NRG3: variants seen among roughly 807,000 people sequenced by gnomAD.
NRG3 encodes the protein pro-neuregulin-3, membrane-bound isoform.
In NRG3, 31 loss-of-function variants were observed where a neutral mutation model predicts 66.9. That is an observed-to-expected ratio of 0.46 (90% CI 0.35 to 0.63). The LOEUF (loss-of-function observed/expected upper bound fraction) is 0.63, where lower values mean the gene tolerates loss of function less well. NRG3 is among the 20% of genes least tolerant of loss of function. The probability of loss-of-function intolerance (pLI) is 0.00; values close to 1 mark genes in which losing one functional copy is unlikely to be tolerated. For missense variants in NRG3, 910 were observed against 878.9 expected (o/e 1.04, Z -0.45); for synonymous variants, 393 against 359.4 (o/e 1.09, Z -1.06).
chr10:82,044,929 G>T (rs929304193), intron 1 of NRG3, among the ~76,000 whole-genome samples: 1 of 151,798 alleles, frequency 6.6e-6, no homozygotes, highest in Non-Finnish European at 1.5e-5. Flanking sequence ...ATATTCCATG[G>T]TGTACATGTG....
intron 8 of NRG3, among the ~76,000 whole-genome samples, chr10:82,981,761 A>G (rs551535273): frequency 1.3e-5 from 2 of 152,328 alleles, no homozygotes; most frequent in South Asian, 4.1e-4. Flanking sequence ...GGTCAATGAC[A>G]GCCATGGTAA....
chr10:82,782,817 C>T (rs755830914), intron 3 of NRG3, among the ~76,000 whole-genome samples: 16 of 152,150 alleles, frequency 1.1e-4, no homozygotes, highest in East Asian at 1.9e-4. Context: ...GAAACTATTC[C>T]GATCAATAGA....
intron 2 of NRG3, among the ~76,000 whole-genome samples, chr10:82,383,792 AT>A (rs2085788343): frequency 6.6e-6 from 1 of 151,958 alleles, no homozygotes; most frequent in South Asian, 2.1e-4. Flanking sequence ...ATGAGGAAGA[AT>A]TTTCACAATG....
Position 81,904,005 on chromosome 10 carries a change from T to TTG in NRG3, c.823+27843_823+27844insGT, listed in dbSNP as rs1554852252. ...ATATATATATATATATATTTTTTTT[T>TTG]TTTGTTTGTTTGTTTGTTTTGGAGA... On this transcript the variant is annotated intron_variant, in intron 1 of 8. Coordinates refer to ENST00000372141, the MANE Select transcript of NRG3 (RefSeq NM_001010848.4). Among the ~76,000 whole-genome samples the TTG allele has an allele frequency of 4.9e-3, 723 of 146,846 alleles. 9 individuals are homozygous for TTG. Among genetic ancestry groups the TTG allele is most frequent in the African/African-American group, 0.016 (627 of 38,912 alleles).
intron 2 of NRG3, among the ~76,000 whole-genome samples, chr10:82,628,809 T>C (rs1474636159): frequency 6.6e-6 from 1 of 152,162 alleles, no homozygotes; most frequent in Non-Finnish European, 1.5e-5. Flanking sequence ...TTCAATGACT[T>C]CAACAGCTTC....
At chr10:82,249,319 G>A (rs1047993784) in intron 1 of NRG3, among the ~76,000 whole-genome samples, 10 of 152,094 alleles carry the variant, frequency 6.6e-5, no homozygotes, top group African/African-American at 2.4e-4. Context: ...TGTGAGAATA[G>A]AGCTGGATAT....
At chr10:82,978,900 TATG>T in intron 7 of NRG3, 47 bp from the exon 8 acceptor site, 2 of 1,583,042 alleles carry the variant, frequency 1.3e-6, no homozygotes, top group Non-Finnish European at 1.7e-6. Context: ...AGGTTATTGC[TATG>T]ATGTCTTTTG....
intron 1 of NRG3, among the ~76,000 whole-genome samples, chr10:81,885,904 A>C (rs1842575370): frequency 6.6e-6 from 1 of 152,158 alleles, no homozygotes; most frequent in South Asian, 2.1e-4. Flanking sequence ...GAATTTTTTA[A>C]AAAATGGGCT....
At chr10:81,880,415 A>C (rs915425467) in intron 1 of NRG3, among the ~76,000 whole-genome samples, 7 of 152,080 alleles carry the variant, frequency 4.6e-5, no homozygotes, top group East Asian at 1.9e-4. Context: ...ACAAAAAAAA[A>C]CCCAGCTGGT....
chr10:81,986,057 G>A (rs567469003), intron 1 of NRG3, among the ~76,000 whole-genome samples: 1 of 152,090 alleles, frequency 6.6e-6, no homozygotes, highest in South Asian at 2.1e-4. Flanking sequence ...TTGATTTTTT[G>A]GCCTGGGAGA....
At chr10:81,930,946 A>G (rs1589498577) in intron 1 of NRG3, among the ~76,000 whole-genome samples, 1 of 152,280 alleles carries the variant, frequency 6.6e-6, no homozygotes. Context: ...GACGGTTTGT[A>G]AAAAACAGGC....
intron 4 of NRG3, among the ~76,000 whole-genome samples, chr10:82,947,485 G>A (rs1380368987): frequency 6.6e-6 from 1 of 151,914 alleles, no homozygotes; most frequent in Non-Finnish European, 1.5e-5. Context: ...TCATAAAGTA[G>A]GTATATTTTT....
intron 1 of NRG3, among the ~76,000 whole-genome samples, chr10:82,047,124 G>A (rs1029061835): frequency 1.3e-5 from 2 of 151,314 alleles, no homozygotes; most frequent in Non-Finnish European, 2.9e-5. Context: ...CTATTGATTG[G>A]AATAGTTTCA....
At chr10:82,019,349 T>C (rs1257736298) in intron 1 of NRG3, among the ~76,000 whole-genome samples, 3 of 152,350 alleles carry the variant, frequency 2.0e-5, no homozygotes, top group East Asian at 3.9e-4. Flanking sequence ...AGTATTTTAT[T>C]GAGGATTTTT....
intron 2 of NRG3, among the ~76,000 whole-genome samples, chr10:82,701,372 A>T (rs1013630438): frequency 1.3e-5 from 2 of 152,152 alleles, no homozygotes; most frequent in Non-Finnish European, 2.9e-5. Flanking sequence ...TAAATCTGTC[A>T]GTCAAGTACT....
chr10:82,469,807 T>C (rs1841060491), intron 2 of NRG3, among the ~76,000 whole-genome samples: 1 of 151,790 alleles, frequency 6.6e-6, no homozygotes, highest in African/African-American at 2.4e-5. Context: ...CATTTCAGAT[T>C]AGATGGTGAA....
rs1196359191 is a variant in NRG3 at position 82,152,850 on chromosome 10, CTTTCTTTTCTTTCTT to C, written c.824-205867_824-205853del. On this transcript the variant is annotated intron_variant, in intron 1 of 8. Transcript: ENST00000372141. ...TTTCTCTTTCTCTTTTTCTTTCTTT[CTTTCTTTTCTTTCTT>C]TTTCTTTTCTTTCTTTTTCTTCCTT... is the stretch of plus-strand genomic sequence containing the variant. 3.5e-4 allele frequency among the ~76,000 whole-genome samples: 47 copies of C among 136,140 alleles called. 1 individual carries two copies. Among genetic ancestry groups the C allele is most frequent in the South Asian group, 2.6e-3 (11 of 4,274 alleles). 89.3% of individuals were successfully genotyped at this position (136,140 alleles called of 152,430 possible).
At chr10:81,983,296 G>A (rs1487115073) in intron 1 of NRG3, among the ~76,000 whole-genome samples, 1 of 152,180 alleles carries the variant, frequency 6.6e-6, no homozygotes, top group Non-Finnish European at 1.5e-5. Flanking sequence ...AGGATACCTG[G>A]AATGCACAGC....
At chr10:82,984,340 C>A (rs1853229175) in intron 8 of NRG3, among the ~76,000 whole-genome samples, 1 of 152,266 alleles carries the variant, frequency 6.6e-6, no homozygotes, top group South Asian at 2.1e-4. Flanking sequence ...CAAGCCCTTG[C>A]CATGGACCAA....
Sources: gnomAD v4.1 joint callset for allele counts (sites outside exome capture counted in the v4.1 genomes callset) on GRCh38, gnomAD v4.1.1 for gene constraint, MANE v1.5 for transcripts, NCBI Gene and HGNC (gene_info 2026-07-23, HGNC 2026-07-21) for gene names.